PRKG1: variants seen among roughly 807,000 people sequenced by gnomAD.
PRKG1 encodes the protein protein kinase cGMP-dependent 1.
In PRKG1, 35 loss-of-function variants were observed where a neutral mutation model predicts 88.1. That is an observed-to-expected ratio of 0.40 (90% CI 0.30 to 0.53). The LOEUF (loss-of-function observed/expected upper bound fraction) is 0.53. Among genes scored for constraint, PRKG1 ranks in the 20% least tolerant of loss-of-function variants. PRKG1 has a pLI of 0.59. For missense variants in PRKG1, 540 were observed against 839.8 expected (o/e 0.64, Z 4.41); for synonymous variants, 303 against 292.5 (o/e 1.04, Z -0.37).
At chr10:51,679,863 T>C (rs1283468812) in intron 3 of PRKG1, among the ~76,000 whole-genome samples, 11 of 111,456 alleles carry the variant, frequency 9.9e-5, no homozygotes, top group African/African-American at 3.8e-4. Flanking sequence ...CCCAATGCTA[T>C]CCCTCCCCCC....
At chr10:51,804,960 A>G (rs902240090) in intron 4 of PRKG1, among the ~76,000 whole-genome samples, 1 of 152,112 alleles carries the variant, frequency 6.6e-6, no homozygotes, top group Non-Finnish European at 1.5e-5. Context: ...GTTTCATGAC[A>G]TGTATTAAGC....
At chr10:51,176,945 G>T (rs968022085) in intron 2 of PRKG1, among the ~76,000 whole-genome samples, 1 of 152,054 alleles carries the variant, frequency 6.6e-6, no homozygotes, top group Non-Finnish European at 1.5e-5. Context: ...GGGAGCAAAA[G>T]TTCGTGGTAA....
intron 11 of PRKG1, among the ~76,000 whole-genome samples, chr10:52,271,976 A>C (rs1401421789): frequency 4.6e-5 from 7 of 152,076 alleles, no homozygotes; most frequent in Admixed American, 1.3e-4. Flanking sequence ...TGAAAACAAG[A>C]TGTAACATGA....
In PRKG1 at chr10:52,014,110, G is replaced by A. The variant is rs114938267; in HGVS notation, c.763-40374G>A. On this transcript the variant is annotated intron_variant, in intron 5 of 17. Transcript: ENST00000373980. ...AAAGGAAAGGACAGGATTGAAGTAT[G>A]AGGGGACTAGTTTCAAGAAGAAGAG... Among the ~76,000 whole-genome samples the A allele has an allele frequency of 8.5e-3, 1,296 of 152,272 alleles. 25 individuals are homozygous for A. The highest frequency in any genetic ancestry group is 0.03 in the African/African-American group (1,236 of 41,548).
intron 5 of PRKG1, among the ~76,000 whole-genome samples, chr10:52,017,042 G>A (rs546566838): frequency 1.3e-4 from 20 of 152,272 alleles, no homozygotes; most frequent in African/African-American, 4.1e-4. Flanking sequence ...AGTGTGGTTT[G>A]TCTGAGGAAC....
intron 2 of PRKG1, among the ~76,000 whole-genome samples, chr10:51,195,924 A>G (rs1837752282): frequency 6.6e-6 from 1 of 152,178 alleles, no homozygotes; most frequent in African/African-American, 2.4e-5. Context: ...TTTGTGGATG[A>G]CTTTATGTTT....
chr10:51,012,718 A>G (rs1211446836), intron 1 of PRKG1, among the ~76,000 whole-genome samples: 3 of 152,274 alleles, frequency 2.0e-5, no homozygotes, highest in African/African-American at 7.2e-5. Flanking sequence ...CTAGTAATAG[A>G]GACAAACAAA....
chr10:51,930,380 A>G (rs922297898), intron 5 of PRKG1, among the ~76,000 whole-genome samples: 7 of 152,082 alleles, frequency 4.6e-5, no homozygotes, highest in Non-Finnish European at 8.8e-5. Flanking sequence ...AATGGTTAAG[A>G]TAGTAAATAT....
chr10:51,872,941 A>G (rs1213381444), intron 4 of PRKG1, among the ~76,000 whole-genome samples: 1 of 152,062 alleles, frequency 6.6e-6, no homozygotes, highest in African/African-American at 2.4e-5. Context: ...GAAAAATAAA[A>G]TTTTATATAA....
intron 5 of PRKG1, among the ~76,000 whole-genome samples, chr10:51,997,121 G>T (rs1459921878): frequency 2.0e-5 from 3 of 152,024 alleles, no homozygotes; most frequent in Non-Finnish European, 4.4e-5. Flanking sequence ...TGGGATGCTT[G>T]GGGGGTAGAG....
chr10:52,108,836 T>G, intron 7 of PRKG1, among the ~76,000 whole-genome samples: 1 of 103,770 alleles, frequency 9.6e-6, no homozygotes, highest in South Asian at 4.1e-4. Flanking sequence ...TTTTTTTTTT[T>G]TTTTTTTTGA....
At chr10:51,276,122 A>C (rs1057061253) in intron 2 of PRKG1, among the ~76,000 whole-genome samples, 2 of 151,578 alleles carry the variant, frequency 1.3e-5, no homozygotes, top group Non-Finnish European at 2.9e-5. Flanking sequence ...CTCTCCCCCA[A>C]CCCCACGACA....
chr10:51,820,296 A>T (rs1026488379), intron 4 of PRKG1, among the ~76,000 whole-genome samples: 2 of 152,186 alleles, frequency 1.3e-5, no homozygotes, highest in African/African-American at 4.8e-5. Flanking sequence ...AAAATTTTCC[A>T]AACTCTTCTT....
intron 12 of PRKG1, among the ~76,000 whole-genome samples, chr10:52,273,100 T>C (rs929175530): frequency 2.6e-5 from 4 of 152,094 alleles, no homozygotes; most frequent in African/African-American, 9.6e-5. Context: ...AAAGTTTGTC[T>C]ACATGGTGCT....
chr10:51,342,244 T>A (rs1588861204), intron 2 of PRKG1, among the ~76,000 whole-genome samples: 1 of 152,054 alleles, frequency 6.6e-6, no homozygotes, highest in Non-Finnish European at 1.5e-5. Flanking sequence ...GGGGAATGAG[T>A]TTTTGTGGAT....
intron 2 of PRKG1, among the ~76,000 whole-genome samples, chr10:51,217,951 G>A (rs1564642544): frequency 6.6e-6 from 1 of 152,016 alleles, no homozygotes; most frequent in African/African-American, 2.4e-5. Flanking sequence ...CTGAATCTCA[G>A]GTCTTACAAG....
Position 50,999,475 on chromosome 10 carries a change from T to G in PRKG1, c.266+7831T>G, listed in dbSNP as rs376382113. Among the ~76,000 whole-genome samples the G allele has an allele frequency of 3.9e-4, 60 of 152,344 alleles. 2 individuals are homozygous for G. In the South Asian group the frequency reaches 0.012, roughly 29 times the overall value. On this transcript the variant is annotated intron_variant, in intron 1 of 17. Coordinates refer to the PRKG1 transcript ENST00000401604. ...TTATCCTCTCGGACTTATTCCTAAT[T>G]CAGACTCTCCTTCCTTTTTAGTCCA...
At chr10:52,034,734 T>C (rs552474052) in intron 5 of PRKG1, among the ~76,000 whole-genome samples, 17 of 151,984 alleles carry the variant, frequency 1.1e-4, no homozygotes, top group South Asian at 2.1e-4. Flanking sequence ...TAGTTGAGAA[T>C]GGTGAATAGG....
intron 4 of PRKG1, among the ~76,000 whole-genome samples, chr10:51,841,815 T>C (rs575864720): frequency 2.5e-4 from 38 of 152,250 alleles, no homozygotes; most frequent in Middle Eastern, 3.4e-3. Flanking sequence ...CCTGAGTAGC[T>C]GGGATTATAG....
Sources: allele counts gnomAD v4.1 joint callset (sites outside exome capture counted in the v4.1 genomes callset), GRCh38; gene constraint gnomAD v4.1.1; transcripts MANE v1.5; gene names NCBI Gene and HGNC (gene_info 2026-07-23, HGNC 2026-07-21).